The following SCHIP1 variants were observed in gnomAD, a reference collection of about 807,000 sequenced individuals.
SCHIP1 encodes schwannomin-interacting protein 1.
Under a neutral mutation model 29.7 loss-of-function variants are expected in SCHIP1, and 8 were observed. The ratio of observed to expected loss-of-function variants is 0.27; its 90% CI spans 0.16 to 0.49. The LOEUF (loss-of-function observed/expected upper bound fraction) is 0.49, where lower values mean the gene tolerates loss of function less well. Among genes scored for constraint, SCHIP1 ranks in the 20% least tolerant of loss-of-function variants. The pLI is 0.99. For synonymous variants in SCHIP1, 76 were observed against 94.9 expected (o/e 0.80, Z 1.16); for missense variants, 193 against 294.6 (o/e 0.66, Z 2.52).
upstream of SCHIP1, among the ~76,000 whole-genome samples, chr3:159,835,409 T>C (rs1364226808): frequency 6.6e-6 from 1 of 152,200 alleles, no homozygotes; most frequent in Admixed American, 6.5e-5. Context: ...GTGGACTTTT[T>C]CCCACAAATA....
At chr3:159,546,465 G>A in the SCHIP1 span, among the ~76,000 whole-genome samples, 1 of 151,818 alleles carries the variant, frequency 6.6e-6, no homozygotes, top group Non-Finnish European at 1.5e-5. Context: ...CAGGTGTATG[G>A]CACAGGCATA....
chr3:159,494,288 T>C, the SCHIP1 span, among the ~76,000 whole-genome samples: 2,509 of 151,900 alleles, frequency 0.017, 76 homozygotes, highest in African/African-American at 0.058. Flanking sequence ...CACAAAAAAC[T>C]CTTCAAAAAA....
At chr3:159,846,279 C>T (rs895846242) in intron 1 of SCHIP1, among the ~76,000 whole-genome samples, 16 of 152,094 alleles carry the variant, frequency 1.1e-4, no homozygotes, top group African/African-American at 3.9e-4. Flanking sequence ...AGGTATCATA[C>T]CCAGCACATA....
chr3:159,847,935 A>G (rs1712060834), intron 1 of SCHIP1, among the ~76,000 whole-genome samples: 1 of 152,208 alleles, frequency 6.6e-6, no homozygotes, highest in Admixed American at 6.5e-5. Context: ...AATCTAATAC[A>G]TGGAATATGG....
At chr3:159,486,951 G>A in the SCHIP1 span, among the ~76,000 whole-genome samples, 1 of 152,196 alleles carries the variant, frequency 6.6e-6, no homozygotes, top group African/African-American at 2.4e-5. Context: ...AGGATTCTAG[G>A]AGCACAAGAG....
At chr3:159,690,308 C>T in the SCHIP1 span, among the ~76,000 whole-genome samples, 3 of 152,168 alleles carry the variant, frequency 2.0e-5, no homozygotes, top group East Asian at 5.8e-4. Flanking sequence ...TCGAATTCTT[C>T]CTGGTTTAGT....
chr3:159,601,542 T>C, the SCHIP1 span, among the ~76,000 whole-genome samples: 2 of 151,462 alleles, frequency 1.3e-5, no homozygotes, highest in African/African-American at 4.9e-5. Context: ...GGAGGAGGGG[T>C]CATATTCTCT....
At chr3:159,438,807 A>G in the SCHIP1 span, among the ~76,000 whole-genome samples, 1 of 152,154 alleles carries the variant, frequency 6.6e-6, no homozygotes, top group Non-Finnish European at 1.5e-5. Context: ...ATGTCCCTAC[A>G]AAGGACATGA....
chr3:159,896,689 A>G (rs9812520), intron 6 of SCHIP1, 34 bp from the exon 8 acceptor site: 88,148 of 1,576,240 alleles, frequency 0.056, 2,730 homozygotes, highest in Non-Finnish European at 0.061. Context: ...ATCTCTCTAC[A>G]TGATGCTAAA....
At chr3:159,354,410 A>T in the SCHIP1 span, among the ~76,000 whole-genome samples, 1 of 152,178 alleles carries the variant, frequency 6.6e-6, no homozygotes, top group Non-Finnish European at 1.5e-5. Flanking sequence ...ATTCATAGGA[A>T]TTTCCCCCTG....
chr3:159,602,719 A>G, the SCHIP1 span, among the ~76,000 whole-genome samples: 3 of 112,908 alleles, frequency 2.7e-5, no homozygotes, highest in Non-Finnish European at 4.5e-5. Context: ...AAAAAAAAAA[A>G]AGAAAGAAAC....
the SCHIP1 span, among the ~76,000 whole-genome samples, chr3:159,456,951 C>T: frequency 6.6e-6 from 1 of 152,252 alleles, no homozygotes; most frequent in East Asian, 1.9e-4. Flanking sequence ...ATTGTGTTCA[C>T]ATGGTGTGTA....
chr3:159,877,277 G>A (rs1577476872), intron 2 of SCHIP1, among the ~76,000 whole-genome samples: 1 of 152,268 alleles, frequency 6.6e-6, no homozygotes, highest in East Asian at 1.9e-4. Context: ...TTTAACCCTG[G>A]AGGCAGAGGT....
chr3:159,729,226 TGTG>T, the SCHIP1 span, among the ~76,000 whole-genome samples: 1 of 152,150 alleles, frequency 6.6e-6, no homozygotes, highest in South Asian at 2.1e-4. Context: ...TTTATAATAT[TGTG>T]GTAGTGGTAA....
the SCHIP1 span, among the ~76,000 whole-genome samples, chr3:159,773,276 A>G: frequency 3.3e-5 from 5 of 152,336 alleles, no homozygotes; most frequent in Admixed American, 6.5e-5. Flanking sequence ...TTCAAGTGTC[A>G]ATTGTGAAAT....
At chr3:159,355,203 C>T in the SCHIP1 span, among the ~76,000 whole-genome samples, 2 of 152,010 alleles carry the variant, frequency 1.3e-5, no homozygotes, top group African/African-American at 2.4e-5. Context: ...CACACATGCA[C>T]ACACACATAC....
At chr3:159,895,616 C>T (rs913429895) in intron 6 of SCHIP1, among the ~76,000 whole-genome samples, 1 of 152,164 alleles carries the variant, frequency 6.6e-6, no homozygotes, top group Non-Finnish European at 1.5e-5. Context: ...CTACCTCTGC[C>T]CCACTGTCTA....
the SCHIP1 span, among the ~76,000 whole-genome samples, chr3:159,755,243 A>G: frequency 6.9e-4 from 105 of 152,238 alleles, no homozygotes; most frequent in African/African-American, 2.5e-3. Flanking sequence ...TCAAAAAAAA[A>G]GAAAGAAAGA....
the SCHIP1 span, among the ~76,000 whole-genome samples, chr3:159,403,653 C>A: frequency 3.9e-5 from 6 of 152,332 alleles, no homozygotes; most frequent in South Asian, 1.0e-3. Flanking sequence ...TGAGCTCCAG[C>A]AAACCTCACC....
Sources: allele counts gnomAD v4.1 joint callset (sites outside exome capture counted in the v4.1 genomes callset), GRCh38; gene constraint gnomAD v4.1.1; transcripts MANE v1.5; gene names NCBI Gene and HGNC (gene_info 2026-07-23, HGNC 2026-07-21).